Variants in CAD observed in about 807,000 individuals in gnomAD.
CAD encodes multifunctional protein CAD.
CAD carries 81 observed loss-of-function variants against 237.2 expected under a neutral mutation model. The observed-to-expected ratio is 0.34, with a 90% CI of 0.29 to 0.41. The LOEUF (loss-of-function observed/expected upper bound fraction) is 0.41, where lower values mean the gene tolerates loss of function less well. Ranked by LOEUF, CAD falls within the 10% of genes least tolerant of loss-of-function variation. The pLI, the probability that CAD is intolerant of heterozygous loss-of-function variation, is 1.00. For missense variants in CAD, 2,181 were observed against 2,951.7 expected (o/e 0.74, Z 6.05); for synonymous variants, 1,196 against 1,162.8 (o/e 1.03, Z -0.58).
intron 22 of CAD, 28 bp downstream of exon 22, chr2:27,234,254 G>T: frequency 6.3e-7 from 1 of 1,584,094 alleles, no homozygotes; most frequent in Non-Finnish European, 8.7e-7. Context: ...AAGAACTAAA[G>T]GGCCACAGCT....
At chr2:27,231,706 T>C (rs559933351) in intron 16 of CAD, 126 bp downstream of exon 16, 2 of 701,808 alleles carry the variant, frequency 2.8e-6, no homozygotes, top group East Asian at 5.3e-5. Context: ...TTGTTTCCAC[T>C]TTGCTGAGAA....
In CAD at chr2:27,237,405, C is replaced by T. The variant is rs552118471; in HGVS notation, c.4423C>T (p.Arg1475Trp). 1.6e-5 allele frequency: 26 copies of T among 1,614,116 alleles called. No homozygotes were observed. The highest frequency in any genetic ancestry group is 1.3e-4 in the Admixed American group (8 of 60,024). Residue 1475 changes from arginine to tryptophan, a missense_variant, in exon 28 of 44, where the codon CGG becomes TGG. Arg to Trp is a moderately radical substitution (Grantham distance 101, BLOSUM62 -3). This residue lies in a region of CAD where 478 missense variants were observed against 515.0 expected (regional missense o/e 0.93). Transcript: ENST00000264705. This position sits in a 1 kb window ranked among gnomAD's most constrained non-coding sequence, Gnocchi z 4.0. ...ATTGATTGATGTCCATGTGCACCTG[C>T]GGGAACCAGGTGGGACACATAAGGA... is the stretch of plus-strand genomic sequence containing the variant. ...PGLIDVHVHL[R>W]EPGGTHKEDF...
At position 27,239,744 on chromosome 2, in the gene CAD, G is replaced by A; in HGVS notation, c.5442G>A (p.Gln1814=). Residue 1814 remains glutamine, a synonymous_variant, in exon 34 of 44, where the codon CAG becomes CAA. Transcript: ENST00000264705. The surrounding 1 kb of genome is among the most constrained non-coding windows in gnomAD (Gnocchi z 4.0). ...GYGQDVRKWP[Q]GAVPQLPPSA... ...GACAGGATGTACGGAAGTGGCCACA[G>A]GGGGCTGTTCCTCAGCTCCCACCCT... 2 of 1,592,682 alleles carry A rather than the reference G, an allele frequency of 1.3e-6. No homozygotes were observed. The highest frequency in any genetic ancestry group is 1.1e-5 in the South Asian group (1 of 88,082).
In CAD at chr2:27,239,576, C is replaced by T; in HGVS notation, c.5394+105C>T. The T allele has an allele frequency of 1.3e-6, 2 of 1,524,334 alleles. No homozygotes were observed. The highest frequency in any genetic ancestry group is 1.8e-6 in the Non-Finnish European group (2 of 1,111,132). The allele number at this position is 1,524,334 out of a possible 1,614,324, so 94.4% of individuals were successfully genotyped here. ...CACTGTCCCACTATGTGCACCACTGCCCTGGACCAGGGGTTGGGGGCACAG... is the reference window on the plus strand; with the variant it reads ...CACTGTCCCACTATGTGCACCACTGTCCTGGACCAGGGGTTGGGGGCACAG... On this transcript the variant is annotated intron_variant, in intron 33 of 43. Coordinates refer to ENST00000264705, the MANE Select transcript of CAD (RefSeq NM_004341.5). The surrounding 1 kb of genome is among the most constrained non-coding windows in gnomAD (Gnocchi z 4.0).
Position 27,241,436 on chromosome 2 carries a change from T to G in CAD, c.5883+40T>G, listed in dbSNP as rs1337835178. On this transcript the variant is annotated intron_variant, in intron 38 of 43. Transcript: ENST00000264705. The surrounding 1 kb of genome is among the most constrained non-coding windows in gnomAD (Gnocchi z 4.6). The stretch of plus-strand genomic sequence containing the variant: ...CGGGGGTAGGGTCCAGGCCATCGCC[T>G]GCCCTTGGGCCGCATCAGCGCAGGG... 1 of 1,601,850 alleles carries G rather than the reference T, an allele frequency of 6.2e-7. No individual in the cohort carries two copies. The highest frequency in any genetic ancestry group is 8.6e-7 in the Non-Finnish European group (1 of 1,169,036).
Position 27,239,072 on chromosome 2 carries a change from C to T in CAD, c.5093C>T (p.Ser1698Phe), listed in dbSNP as rs772331172. The change falls in exon 32 of 44, where the codon TCC becomes TTC. Residue 1698 changes from serine (S) to phenylalanine (F), a missense_variant. By Grantham distance (155) the Ser-to-Phe change is radical. Coordinates refer to ENST00000264705, the MANE Select transcript of CAD (RefSeq NM_004341.5). The surrounding 1 kb of genome is among the most constrained non-coding windows in gnomAD (Gnocchi z 4.0). ...CATACCTTGGAGGAGAAGTGTGGGTCCAGGCCCCCACCTGGGTTCCCAGGG... is the reference window on the plus strand; with the variant it reads ...CATACCTTGGAGGAGAAGTGTGGGTTCAGGCCCCCACCTGGGTTCCCAGGG... ...APHTLEEKCG[S>F]RPPPGFPGLE... 1 of 1,589,600 alleles carries T rather than the reference C, an allele frequency of 6.3e-7. No individual in the cohort carries two copies. The highest frequency in any genetic ancestry group is 8.6e-7 in the Non-Finnish European group (1 of 1,169,030).
chr2:27,224,491 G>C lies in CAD; in HGVS notation c.1254+1G>C. ...AGAATTTGACTACTCGGGCTCTCAG[G>C]TGAGGCATGTTCCTCCCCACCCTTC... On this transcript the variant is annotated splice_donor_variant, in intron 9 of 43. Transcript: ENST00000264705. LOFTEE classifies it high-confidence loss of function. 6.2e-7 allele frequency: 1 copy of C among 1,613,858 alleles called. No individual in the cohort carries two copies. Among genetic ancestry groups the C allele is most frequent in the Non-Finnish European group, 8.5e-7 (1 of 1,179,836 alleles).
intron 15 of CAD, 127 bp from the exon 16 acceptor site, chr2:27,231,341 C>T: frequency 6.2e-6 from 4 of 643,110 alleles, no homozygotes; most frequent in Non-Finnish European, 1.1e-5. Context: ...CCATGAATCC[C>T]ACCATCATGT....
chr2:27,226,837 CTG>C lies in CAD; in HGVS notation c.2165_2166del (p.Val722AspfsTer8). 6.2e-7 allele frequency: 1 copy of C among 1,614,184 alleles called. No individual in the cohort carries two copies. On this transcript the variant is annotated frameshift_variant, in exon 15 of 44. Transcript: ENST00000264705. LOFTEE classifies it high-confidence loss of function. ...TCCCACCTGCTGGACCCCAGGAACTCTGTGACAGGGGGTACAGCAGCCTTTGA... is the reference window on the plus strand; with the variant it reads ...TCCCACCTGCTGGACCCCAGGAACTCTGACAGGGGGTACAGCAGCCTTTGA...
At position 27,231,671 on chromosome 2, in the gene CAD, C is replaced by T. The variant is rs144738556; in HGVS notation, c.2400+91C>T. 111 of 784,718 alleles carry T rather than the reference C, an allele frequency of 1.4e-4. 2 individuals carry two copies. In the East Asian group the frequency reaches 2.7e-3, roughly 19 times the overall value. The allele number at this position is 784,718 out of a possible 1,614,324, so 48.6% of individuals were successfully genotyped here. On this transcript the variant is annotated intron_variant, in intron 16 of 43. Transcript: ENST00000264705. ...ATGAGCTTGTTACCAGTAACACTAG[C>T]AGCAGTCATCATTGGACATTTGCTT...
intron 15 of CAD, among the ~76,000 whole-genome samples, chr2:27,230,463 A>C (rs1007684785): frequency 1.3e-5 from 2 of 152,010 alleles, no homozygotes; most frequent in Non-Finnish European, 2.9e-5. Context: ...AACATGGTGA[A>C]ATCCCGTCTC....
At position 27,232,489 on chromosome 2, in the gene CAD, T is replaced by A. The variant is rs766968782; in HGVS notation, c.2687T>A (p.Ile896Asn). 1.2e-6 allele frequency: 2 copies of A among 1,614,232 alleles called. No homozygotes were observed. Among genetic ancestry groups the A allele is most frequent in the South Asian group, 2.2e-5 (2 of 91,084 alleles). The change falls in exon 18 of 44, where the codon ATC (isoleucine) becomes AAC (asparagine). Residue 896 changes from isoleucine to asparagine, a missense_variant. Physicochemically the swap from Ile to Asn is moderately radical, Grantham distance 149. Coordinates refer to ENST00000264705, the MANE Select transcript of CAD (RefSeq NM_004341.5). This position sits in a 1 kb window ranked among gnomAD's most constrained non-coding sequence, Gnocchi z 4.1. ...AVRKLRQELG[I>N]CPAVKQIDTV... is the part of the protein sequence containing the mutation. Reference sequence around the variant, plus strand: ...CGCAAGCTGCGTCAGGAACTGGGGATCTGTCCAGCAGTGAAACAGATTGAC... The same window carrying A: ...CGCAAGCTGCGTCAGGAACTGGGGAACTGTCCAGCAGTGAAACAGATTGAC...
intron 16 of CAD, 144 bp from the exon 17 acceptor site, chr2:27,231,836 C>G (rs1461100766): frequency 1.1e-6 from 1 of 916,710 alleles, no homozygotes; most frequent in Admixed American, 2.2e-5. Flanking sequence ...GAGGTAGACC[C>G]AGGATTGGTA....
chr2:27,239,601 GC>G lies in CAD; in HGVS notation c.5395-95del. 1 of 1,489,110 alleles carries G rather than the reference GC, an allele frequency of 6.7e-7. No individual in the cohort carries two copies. Among genetic ancestry groups the G allele is most frequent in the Non-Finnish European group, 9.2e-7 (1 of 1,084,464 alleles). 92.2% of individuals were successfully genotyped at this position (1,489,110 alleles called of 1,614,324 possible). On this transcript the variant is annotated intron_variant, in intron 33 of 43. Transcript: ENST00000264705. This position sits in a 1 kb window ranked among gnomAD's most constrained non-coding sequence, Gnocchi z 4.0. ...CCCTGGACCAGGGGTTGGGGGCACA[GC>G]TCCCCCAAGGTGCTTTTTGTCCTTG...
rs1260587693 is a variant in CAD, at chr2:27,239,307, G to A, written c.5254-24G>A. 1.2e-6 allele frequency: 2 copies of A among 1,608,018 alleles called. No individual in the cohort carries two copies. Among genetic ancestry groups the A allele is most frequent in the Admixed American group, 1.7e-5 (1 of 59,940 alleles). Reference sequence around the variant, plus strand: ...ATGTTCTCTGGGGATCCTTTCCCTAGCATAACCCATGTCCTCTGGGCAGGT... The same window carrying A: ...ATGTTCTCTGGGGATCCTTTCCCTAACATAACCCATGTCCTCTGGGCAGGT... On this transcript the variant is annotated intron_variant, in intron 32 of 43. Coordinates refer to ENST00000264705, the MANE Select transcript of CAD (RefSeq NM_004341.5). This position sits in a 1 kb window ranked among gnomAD's most constrained non-coding sequence, Gnocchi z 4.0.
chr2:27,240,556 G>A lies in CAD; in HGVS notation c.5593+195G>A, dbSNP rs776143783. 1.9e-6 allele frequency: 3 copies of A among 1,546,704 alleles called. No homozygotes were observed. In the South Asian group the frequency reaches 3.6e-5, roughly 19 times the overall value. On this transcript the variant is annotated intron_variant, in intron 35 of 43. Transcript: ENST00000264705. This position sits in a 1 kb window ranked among gnomAD's most constrained non-coding sequence, Gnocchi z 4.6. The stretch of plus-strand genomic sequence containing the variant: ...CACAGCTTCTCACATGCCCTTTTTT[G>A]TTGTGGGCAGCTGTGTTCCTCCGCC...
chr2:27,226,029 C>G, intron 12 of CAD, 102 bp from the exon 13 acceptor site: 1 of 1,485,020 alleles, frequency 6.7e-7, no homozygotes, highest in South Asian at 1.2e-5. Context: ...TCCCTCAGAC[C>G]CAGGTTAGGT....
Position 27,217,512 on chromosome 2 carries a change from C to A in CAD, c.-40C>A. The A allele has an allele frequency of 6.5e-7, 1 of 1,531,736 alleles. No homozygotes were observed. The highest frequency in any genetic ancestry group is 8.9e-7 in the Non-Finnish European group (1 of 1,121,914). 94.9% of individuals were successfully genotyped at this position (1,531,736 alleles called of 1,614,324 possible). ...TTCCAGTGGAGTTTGCAGTCCTTCC[C>A]GCTTCTCCGTACTCGCCCCCGCCTC... On this transcript the variant is annotated 5_prime_UTR_variant, in exon 1 of 44. Coordinates refer to ENST00000264705, the MANE Select transcript of CAD (RefSeq NM_004341.5).
At chr2:27,221,692 T>TA (rs1336426248) in intron 3 of CAD, among the ~76,000 whole-genome samples, 1 of 149,272 alleles carries the variant, frequency 6.7e-6, no homozygotes, top group African/African-American at 2.5e-5. Flanking sequence ...AATAACGTCA[T>TA]ACACTAAAAA....
Sources: allele counts gnomAD v4.1 joint callset (sites outside exome capture counted in the v4.1 genomes callset), GRCh38; gene constraint gnomAD v4.1.1; regional missense constraint gnomAD v4.1.1; non-coding constraint Gnocchi (gnomAD v3.1); transcripts MANE v1.5; gene names NCBI Gene and HGNC (gene_info 2026-07-23, HGNC 2026-07-21).